The following PTPRD variants were observed in gnomAD, a reference collection of about 807,000 sequenced individuals.
PTPRD encodes protein tyrosine phosphatase receptor type D, also known as receptor-type tyrosine-protein phosphatase delta.
In PTPRD, 34 loss-of-function variants were observed where a neutral mutation model predicts 214.5. That is an observed-to-expected ratio of 0.16 (90% CI 0.12 to 0.21). PTPRD has a LOEUF of 0.21. Ranked by LOEUF, PTPRD falls within the 10% of genes least tolerant of loss-of-function variation. PTPRD has a pLI of 1.00. For synonymous variants in PTPRD, 1,128 were observed against 845.7 expected (o/e 1.33, Z -5.79); for missense variants, 2,545 against 2,398.7 (o/e 1.06, Z -1.27).
chr9:8,841,787 G>A (rs1304904357), intron 11 of PTPRD, among the ~76,000 whole-genome samples: 3 of 152,030 alleles, frequency 2.0e-5, no homozygotes, highest in South Asian at 2.1e-4. Flanking sequence ...CAAGGCGGGT[G>A]GATCATTTGA....
intron 7 of PTPRD, among the ~76,000 whole-genome samples, chr9:9,629,238 G>GTGTGTGTATATATA (rs149327972): frequency 7.1e-6 from 1 of 140,370 alleles, no homozygotes; most frequent in African/African-American, 2.8e-5. Context: ...GTGTGTGTGT[G>GTGTGTGTATATATA]TATATATATA....
intron 3 of PTPRD, among the ~76,000 whole-genome samples, chr9:10,287,121 C>A (rs1460562610): frequency 6.6e-6 from 1 of 152,162 alleles, no homozygotes; most frequent in African/African-American, 2.4e-5. Flanking sequence ...CCAAGGAGCT[C>A]ATTAATTATA....
chr9:8,750,570 G>A (rs1476328400), intron 11 of PTPRD, among the ~76,000 whole-genome samples: 2 of 152,118 alleles, frequency 1.3e-5, no homozygotes, highest in Admixed American at 6.5e-5. Flanking sequence ...TTTAGAATAG[G>A]GTGACAGGAA....
intron 2 of PTPRD, among the ~76,000 whole-genome samples, chr9:10,478,288 T>C (rs935802764): frequency 1.3e-5 from 2 of 152,236 alleles, no homozygotes; most frequent in African/African-American, 4.8e-5. Context: ...ATTTTTCACT[T>C]ACATATTACC....
At chr9:9,120,659 T>C (rs758028420) in intron 10 of PTPRD, among the ~76,000 whole-genome samples, 4 of 152,192 alleles carry the variant, frequency 2.6e-5, no homozygotes, top group Non-Finnish European at 5.9e-5. Flanking sequence ...AAAATTCATC[T>C]TCTCAGGTCC....
intron 11 of PTPRD, among the ~76,000 whole-genome samples, chr9:8,910,964 G>C (rs1193822004): frequency 6.6e-6 from 1 of 152,108 alleles, no homozygotes; most frequent in Non-Finnish European, 1.5e-5. Context: ...TAAATTAATG[G>C]AGAGACATTC....
chr9:9,046,553 A>G (rs996288904), intron 10 of PTPRD, among the ~76,000 whole-genome samples: 1 of 152,186 alleles, frequency 6.6e-6, no homozygotes, highest in Non-Finnish European at 1.5e-5. Context: ...ACGTCTTCCT[A>G]TTCCTTTTAT....
chr9:9,460,865 C>T (rs925294804), intron 8 of PTPRD, among the ~76,000 whole-genome samples: 6 of 151,976 alleles, frequency 3.9e-5, no homozygotes, highest in Admixed American at 2.0e-4. Context: ...AAAATGATAC[C>T]TGCACTCTTA....
At chr9:9,066,796 C>T (rs911865356) in intron 10 of PTPRD, among the ~76,000 whole-genome samples, 14 of 152,344 alleles carry the variant, frequency 9.2e-5, no homozygotes, top group African/African-American at 3.1e-4. Flanking sequence ...CGGGCTTTCT[C>T]GCAGAACTTT....
chr9:9,309,285 A>G (rs1461772410), intron 9 of PTPRD, among the ~76,000 whole-genome samples: 1 of 151,764 alleles, frequency 6.6e-6, no homozygotes, highest in Non-Finnish European at 1.5e-5. Flanking sequence ...CCAGTTTCCT[A>G]AAAGGTATAG....
chr9:8,910,380 G>C (rs1478264570), intron 11 of PTPRD, among the ~76,000 whole-genome samples: 2 of 152,016 alleles, frequency 1.3e-5, no homozygotes, highest in African/African-American at 4.8e-5. Context: ...ATTGAGAGTG[G>C]GGCCTTTAAG....
intron 11 of PTPRD, among the ~76,000 whole-genome samples, chr9:8,989,721 C>T (rs1253783409): frequency 2.0e-5 from 3 of 152,054 alleles, no homozygotes; most frequent in Non-Finnish European, 2.9e-5. Context: ...AAAGTTCACT[C>T]TTTAAAAAAA....
At chr9:10,447,691 A>T (rs541435186) in intron 2 of PTPRD, among the ~76,000 whole-genome samples, 2 of 152,202 alleles carry the variant, frequency 1.3e-5, no homozygotes, top group East Asian at 3.9e-4. Context: ...AAAGAGGTCC[A>T]TCACAGTGAA....
chr9:9,204,279 C>T (rs930517508), intron 9 of PTPRD, among the ~76,000 whole-genome samples: 1 of 152,210 alleles, frequency 6.6e-6, no homozygotes, highest in Non-Finnish European at 1.5e-5. Flanking sequence ...ATGTCTGATG[C>T]TTCCAGTGAC....
At chr9:10,457,627 G>C (rs1312340413) in intron 2 of PTPRD, among the ~76,000 whole-genome samples, 2 of 151,988 alleles carry the variant, frequency 1.3e-5, no homozygotes, top group Non-Finnish European at 2.9e-5. Flanking sequence ...GGATCAAAGA[G>C]ACAGTGTATG....
intron 11 of PTPRD, among the ~76,000 whole-genome samples, chr9:9,004,846 T>G (rs2154357703): frequency 6.6e-6 from 1 of 152,144 alleles, no homozygotes; most frequent in South Asian, 2.1e-4. Context: ...CACGTGTGTA[T>G]AGGAAAAACA....
chr9:9,331,976 C>T (rs1254370564), intron 9 of PTPRD, among the ~76,000 whole-genome samples: 2 of 152,030 alleles, frequency 1.3e-5, no homozygotes, highest in Non-Finnish European at 2.9e-5. Flanking sequence ...CCCCCCACCT[C>T]TTTTTCTCTA....
At chr9:10,167,613 A>C (rs905550816) in intron 3 of PTPRD, among the ~76,000 whole-genome samples, 1 of 152,150 alleles carries the variant, frequency 6.6e-6, no homozygotes, top group Non-Finnish European at 1.5e-5. Flanking sequence ...GGATGTACGG[A>C]GTTTTAAAAT....
intron 4 of PTPRD, among the ~76,000 whole-genome samples, chr9:10,019,562 T>C (rs2096800187): frequency 6.6e-6 from 1 of 151,994 alleles, no homozygotes; most frequent in Non-Finnish European, 1.5e-5. Context: ...ATTAAGAAAA[T>C]GTGGCACATA....
Sources: allele counts gnomAD v4.1 joint callset (sites outside exome capture counted in the v4.1 genomes callset), GRCh38; gene constraint gnomAD v4.1.1; transcripts MANE v1.5; gene names NCBI Gene and HGNC (gene_info 2026-07-23, HGNC 2026-07-21).